The following GALNT7 variants were observed in gnomAD, a reference collection of about 807,000 sequenced individuals.
GALNT7 encodes the protein polypeptide N-acetylgalactosaminyltransferase 7.
GALNT7 carries 60 observed loss-of-function variants against 82.1 expected under a neutral mutation model. The observed-to-expected ratio is 0.73, with a 90% confidence interval of 0.59 to 0.91. The LOEUF (loss-of-function observed/expected upper bound fraction) is 0.91. Among genes scored for constraint, GALNT7 ranks in the 40% least tolerant of loss-of-function variants. The probability of loss-of-function intolerance (pLI) is 0.00; values close to 1 mark genes in which losing one functional copy is unlikely to be tolerated. For missense variants in GALNT7, 660 were observed against 804.2 expected (o/e 0.82, Z 2.17); for synonymous variants, 243 against 275.1 (o/e 0.88, Z 1.15).
chr4:173,208,557 C>T (rs1004049272), intron 1 of GALNT7, among the ~76,000 whole-genome samples: 8 of 152,120 alleles, frequency 5.3e-5, no homozygotes, highest in African/African-American at 1.7e-4. Flanking sequence ...CAGACTGAGC[C>T]CAGAGCATTT....
intron 8 of GALNT7, among the ~76,000 whole-genome samples, chr4:173,306,114 C>T (rs983924415): frequency 6.6e-6 from 1 of 151,952 alleles, no homozygotes; most frequent in Admixed American, 6.6e-5. Context: ...TTTTTCACCT[C>T]CTAAATATTT....
intron 2 of GALNT7, among the ~76,000 whole-genome samples, chr4:173,285,977 A>G (rs1271438953): frequency 6.6e-6 from 1 of 152,218 alleles, no homozygotes; most frequent in African/African-American, 2.4e-5. Flanking sequence ...ATCAAGAATG[A>G]TAAGACACAG....
intron 1 of GALNT7, among the ~76,000 whole-genome samples, chr4:173,185,413 C>CAAAAAAA (rs33996293): frequency 1.4e-5 from 2 of 142,130 alleles, no homozygotes. Flanking sequence ...CAATGAATCT[C>CAAAAAAA]AAAAAAAAAA....
rs150964871 is a variant in GALNT7 at position 173,226,331 on chromosome 4, C to T, written c.127-21649C>T. Among the ~76,000 whole-genome samples, 14 of 152,220 alleles carry T rather than the reference C, an allele frequency of 9.2e-5. No individual in the cohort carries two copies. The South Asian group carries it at 2.1e-3, about 23-fold the overall frequency. ...ACCCAGTTGTACCAGCTTTTAACTC[C>T]GTGCCTTATATTACATCGGATAAAC... On this transcript the variant is annotated intron_variant, in intron 1 of 11. Transcript: ENST00000265000.
rs115894003 is a variant in GALNT7, at chr4:173,178,141, A to G, written c.126+9180A>G. ...CTATATAAGATAGATATTGCAACAC[A>G]TATTAGTCTTTTTTTACTCATGTCT... On this transcript the variant is annotated intron_variant, in intron 1 of 11. Transcript: ENST00000265000. 8.8e-3 allele frequency among the ~76,000 whole-genome samples: 1,346 copies of G among 152,154 alleles called. 14 individuals are homozygous for G. Among genetic ancestry groups the G allele is most frequent in the Non-Finnish European group, 0.012 (837 of 67,988 alleles).
At chr4:173,264,485 G>A (rs1273461798) in intron 2 of GALNT7, among the ~76,000 whole-genome samples, 1 of 152,148 alleles carries the variant, frequency 6.6e-6, no homozygotes, top group Non-Finnish European at 1.5e-5. Context: ...TTGCTCTTCC[G>A]TATTATCCTC....
intron 1 of GALNT7, among the ~76,000 whole-genome samples, chr4:173,211,375 A>AC (rs1253451687): frequency 2.0e-5 from 3 of 152,182 alleles, no homozygotes; most frequent in African/African-American, 7.2e-5. Context: ...TTAATTAAAA[A>AC]CCACTAAGAT....
At chr4:173,223,637 A>G (rs1733710584) in intron 1 of GALNT7, among the ~76,000 whole-genome samples, 1 of 151,840 alleles carries the variant, frequency 6.6e-6, no homozygotes, top group African/African-American at 2.4e-5. Context: ...CACTAAAATC[A>G]CCTAAAGAAC....
At chr4:173,184,656 T>C (rs996952406) in intron 1 of GALNT7, among the ~76,000 whole-genome samples, 2 of 150,114 alleles carry the variant, frequency 1.3e-5, no homozygotes, top group Non-Finnish European at 3.0e-5. Context: ...GGGGGAGAAG[T>C]GGGCTTAATT....
chr4:173,285,628 T>A (rs62342304), intron 2 of GALNT7, among the ~76,000 whole-genome samples: 1 of 152,382 alleles, frequency 6.6e-6, no homozygotes, highest in African/African-American at 2.4e-5. Context: ...CTGCAAAATA[T>A]TTTATTTCAG....
intron 1 of GALNT7, among the ~76,000 whole-genome samples, chr4:173,183,955 C>G (rs577625811): frequency 6.7e-6 from 1 of 149,496 alleles, no homozygotes; most frequent in African/African-American, 2.5e-5. Flanking sequence ...CCTCACCTCC[C>G]AGACGGGGTC....
At chr4:173,169,008 GT>G in intron 1 of GALNT7, 47 bp downstream of exon 1, 1 of 1,599,082 alleles carries the variant, frequency 6.3e-7, no homozygotes, top group Non-Finnish European at 8.5e-7. Context: ...CCGGCAACTT[GT>G]TTTGTTTGCC....
At chr4:173,304,361 T>G (rs1202967436) in intron 8 of GALNT7, among the ~76,000 whole-genome samples, 1 of 151,690 alleles carries the variant, frequency 6.6e-6, no homozygotes, top group African/African-American at 2.4e-5. Context: ...ATTGCACCAC[T>G]GCACTCCCCG....
chr4:173,286,927 A>G (rs781092476), intron 2 of GALNT7, among the ~76,000 whole-genome samples: 2 of 152,156 alleles, frequency 1.3e-5, no homozygotes, highest in African/African-American at 2.4e-5. Flanking sequence ...TTCAGACCCT[A>G]TATCCCCTTT....
At chr4:173,184,672 T>C (rs1732411918) in intron 1 of GALNT7, among the ~76,000 whole-genome samples, 1 of 151,734 alleles carries the variant, frequency 6.6e-6, no homozygotes, top group Non-Finnish European at 1.5e-5. Context: ...TAATTTAAAA[T>C]TGCCTTATAT....
intron 1 of GALNT7, among the ~76,000 whole-genome samples, chr4:173,231,686 G>A (rs922305831): frequency 3.9e-5 from 6 of 152,092 alleles, no homozygotes; most frequent in Non-Finnish European, 8.8e-5. Flanking sequence ...CACTGCTGTT[G>A]CCCCAAAAAT....
intron 1 of GALNT7, among the ~76,000 whole-genome samples, chr4:173,200,959 G>T (rs1732927346): frequency 6.6e-6 from 1 of 152,240 alleles, no homozygotes; most frequent in Non-Finnish European, 1.5e-5. Flanking sequence ...ATGGAATAGG[G>T]ATTACACTAG....
At chr4:173,288,929 C>T (rs577892137) in intron 2 of GALNT7, among the ~76,000 whole-genome samples, 13 of 151,898 alleles carry the variant, frequency 8.6e-5, no homozygotes, top group Non-Finnish European at 1.6e-4. Context: ...AGGACTGACT[C>T]TACCCAGCAA....
rs946887154 is a variant in GALNT7, at chr4:173,323,854, A to T, written c.*2137A>T. ...TTGATACACTGTATGTTTCTGTAGAAATTGTATAAATATTCAAAATTTTAT... is the reference window on the plus strand; with the variant it reads ...TTGATACACTGTATGTTTCTGTAGATATTGTATAAATATTCAAAATTTTAT... On this transcript the variant is annotated 3_prime_UTR_variant, in exon 12 of 12. Coordinates refer to ENST00000265000, the MANE Select transcript of GALNT7 (RefSeq NM_017423.3). The T allele has an allele frequency of 6.6e-6, 1 of 152,598 alleles. No homozygotes were observed. Among genetic ancestry groups the T allele is most frequent in the Non-Finnish European group, 1.5e-5 (1 of 68,006 alleles). 9.5% of individuals were successfully genotyped at this position (152,598 alleles called of 1,614,324 possible). A position where few individuals can be genotyped will look rare whatever the true frequency, so the allele number is the denominator to read the frequency against.
Sources: gnomAD v4.1 joint callset for allele counts (sites outside exome capture counted in the v4.1 genomes callset) on GRCh38, gnomAD v4.1.1 for gene constraint, MANE v1.5 for transcripts, NCBI Gene and HGNC (gene_info 2026-07-23, HGNC 2026-07-21) for gene names.